The following ABCG2 variants were observed in gnomAD, a reference collection of about 807,000 sequenced individuals.
ABCG2 encodes the protein ATP binding cassette subfamily G member 2 (JR blood group).
Under a neutral mutation model 73.5 loss-of-function variants are expected in ABCG2, and 80 were observed. The ratio of observed to expected loss-of-function variants is 1.09; its 90% CI spans 0.91 to 1.31. The LOEUF is 1.31. ABCG2 is among the 50% of genes most tolerant of loss of function. The probability of loss-of-function intolerance (pLI) is 0.00; values close to 1 mark genes in which losing one functional copy is unlikely to be tolerated. For synonymous variants in ABCG2, 269 were observed against 282.4 expected (o/e 0.95, Z 0.48); for missense variants, 796 against 786.2 (o/e 1.01, Z -0.15).
Position 88,131,919 on chromosome 4 carries a change from T to C in ABCG2, c.264-2A>G, listed in dbSNP as rs772701413. 2 of 1,608,386 alleles carry C rather than the reference T, an allele frequency of 1.2e-6. No individual in the cohort carries two copies. The highest frequency in any genetic ancestry group is 1.1e-5 in the South Asian group (1 of 90,920). ...CTTGCAGCTAAGACATCTAATAACC[T>C]ATAAGAGGACATATATGTTGTGGGT... On this transcript the variant is annotated splice_acceptor_variant, in intron 3 of 15. Transcript: ENST00000237612. LOFTEE classifies it high-confidence loss of function.
chr4:88,113,528 C>T lies in ABCG2; in HGVS notation c.969G>A (p.Lys323=), dbSNP rs910545211. The T allele has an allele frequency of 1.9e-6, 3 of 1,613,932 alleles. No homozygotes were observed. The highest frequency in any genetic ancestry group is 2.5e-6 in the Non-Finnish European group (3 of 1,179,988). The change falls in exon 9 of 16, where the codon AAG becomes AAA. Residue 323 remains lysine (K), a synonymous_variant. Transcript: ENST00000237612. ...FKATEIIEPS[K]QDKPLIEKLA... ...ATTTTTCTATGAGTGGCTTATCCTG[C>T]TTGGAAGGCTCTATGATCTCTGTGG... is the stretch of plus-strand genomic sequence containing the variant.
chr4:88,185,757 T>G (rs753697619), intron 1 of ABCG2, among the ~76,000 whole-genome samples: 36 of 152,200 alleles, frequency 2.4e-4, no homozygotes, highest in Non-Finnish European at 4.4e-4. Flanking sequence ...GAAAAGGTAC[T>G]CATTATCATT....
intron 1 of ABCG2, among the ~76,000 whole-genome samples, chr4:88,171,420 A>T (rs1245521087): frequency 8.0e-6 from 1 of 124,464 alleles, no homozygotes; most frequent in African/African-American, 3.2e-5. Flanking sequence ...CATCAAAGAA[A>T]CATTGTAAAT....
At chr4:88,102,288 A>G (rs1204692841) in intron 10 of ABCG2, among the ~76,000 whole-genome samples, 2 of 152,182 alleles carry the variant, frequency 1.3e-5, no homozygotes, top group East Asian at 3.9e-4. Flanking sequence ...TTCTCAGTGA[A>G]GTAACTAGAT....
At chr4:88,128,273 C>T (rs1044055245) in intron 5 of ABCG2, among the ~76,000 whole-genome samples, 1 of 152,190 alleles carries the variant, frequency 6.6e-6, no homozygotes, top group African/African-American at 2.4e-5. Flanking sequence ...CAGGAAACAA[C>T]AGATGCTGGA....
chr4:88,117,725 C>T (rs1365330038), intron 7 of ABCG2, among the ~76,000 whole-genome samples: 1 of 152,156 alleles, frequency 6.6e-6, no homozygotes, highest in Middle Eastern at 3.2e-3. Flanking sequence ...ATTTTAAGGC[C>T]TCATCTGTTA....
intron 6 of ABCG2, among the ~76,000 whole-genome samples, chr4:88,121,260 T>C (rs1447283155): frequency 1.3e-5 from 2 of 151,882 alleles, no homozygotes; most frequent in Non-Finnish European, 2.9e-5. Flanking sequence ...GAAAAAGTAC[T>C]GAAGGTGGAA....
chr4:88,119,635 TG>T (rs1213498179), intron 6 of ABCG2, among the ~76,000 whole-genome samples: 2 of 152,204 alleles, frequency 1.3e-5, no homozygotes, highest in Non-Finnish European at 2.9e-5. Flanking sequence ...AAGAGACTGG[TG>T]GCATTTTGCC....
rs764490753 is a variant in ABCG2 at position 88,092,241 on chromosome 4, TA to T, written c.1960del (p.Tyr654IlefsTer10). ...AYLKLLFLKKYS is the reference protein window; with the variant it reads ...AYLKLLFLKKXS Reference sequence around the variant, plus strand: ...ACTGAATTAAGGGGAAATTTAAGAATATTTTTTAAGAAATAACAATTTCAGG... The same window carrying T: ...ACTGAATTAAGGGGAAATTTAAGAATTTTTTTAAGAAATAACAATTTCAGG... On this transcript the variant is annotated frameshift_variant, in exon 16 of 16. Coordinates refer to ENST00000237612, the MANE Select transcript of ABCG2 (RefSeq NM_004827.3). LOFTEE classifies it high-confidence loss of function. 20 of 1,605,484 alleles carry T rather than the reference TA, an allele frequency of 1.2e-5. No homozygotes were observed. The highest frequency in any genetic ancestry group is 1.5e-5 in the Non-Finnish European group (18 of 1,174,880).
intron 7 of ABCG2, among the ~76,000 whole-genome samples, chr4:88,115,961 G>A (rs1421398599): frequency 1.3e-5 from 2 of 152,142 alleles, no homozygotes; most frequent in Non-Finnish European, 2.9e-5. Context: ...TCGGGAGGCC[G>A]AGACCAGCAA....
At chr4:88,155,734 G>C (rs1047737216) in intron 1 of ABCG2, among the ~76,000 whole-genome samples, 1 of 151,724 alleles carries the variant, frequency 6.6e-6, no homozygotes, top group African/African-American at 2.4e-5. Flanking sequence ...GCAAAACCTC[G>C]TCTTTACTAA....
intron 1 of ABCG2, among the ~76,000 whole-genome samples, chr4:88,213,642 C>A (rs1729687826): frequency 6.6e-6 from 1 of 151,450 alleles, no homozygotes; most frequent in African/African-American, 2.4e-5. Flanking sequence ...ATATATATTC[C>A]TCTCCACTGA....
At position 88,207,712 on chromosome 4, in the gene ABCG2, T is replaced by C. The variant is rs143187708; in HGVS notation, c.-20+23282A>G. Among the ~76,000 whole-genome samples the C allele has an allele frequency of 6.1e-3, 923 of 152,184 alleles. 38 individuals carry two copies. The East Asian group carries it at 0.065, about 11-fold the overall frequency. ...GGCATGCCCCAGTATACCTGGCTAA[T>C]TTTTTTATTTTTAGTAGAGACGAGG... On this transcript the variant is annotated intron_variant, in intron 1 of 15. Transcript: ENST00000515655.
chr4:88,100,598 C>A (rs1722339488), intron 11 of ABCG2, among the ~76,000 whole-genome samples: 1 of 151,838 alleles, frequency 6.6e-6, no homozygotes, highest in Non-Finnish European at 1.5e-5. Flanking sequence ...AGCAATGAGC[C>A]ATGATCATGT....
intron 11 of ABCG2, among the ~76,000 whole-genome samples, chr4:88,099,822 T>G (rs1722270873): frequency 6.6e-6 from 1 of 152,182 alleles, no homozygotes; most frequent in African/African-American, 2.4e-5. Context: ...TAGCCGATTT[T>G]GGCAGGAATA....
Position 88,092,186 on chromosome 4 carries a change from G to T in ABCG2, c.*48C>A. 1 of 1,529,386 alleles carries T rather than the reference G, an allele frequency of 6.5e-7. No homozygotes were observed. The allele number at this position is 1,529,386 out of a possible 1,614,324, so 94.7% of individuals were successfully genotyped here. On this transcript the variant is annotated 3_prime_UTR_variant, in exon 16 of 16. Transcript: ENST00000237612. ...AACTTGATTGAATACTTCAATCAAA[G>T]TGCTTCTTTTTTATGTGAGGATAAA...
chr4:88,222,641 T>C (rs182503166), intron 1 of ABCG2, among the ~76,000 whole-genome samples: 1 of 152,314 alleles, frequency 6.6e-6, no homozygotes, highest in African/African-American at 2.4e-5. Flanking sequence ...TTCGGGTATG[T>C]CTTTATCAGC....
At chr4:88,093,854 G>T (rs1213413283) in intron 15 of ABCG2, among the ~76,000 whole-genome samples, 1 of 152,118 alleles carries the variant, frequency 6.6e-6, no homozygotes, top group Non-Finnish European at 1.5e-5. Flanking sequence ...GAAAAGGCAC[G>T]TGTTACTAAA....
At chr4:88,192,016 C>CA (rs1174244143) in intron 1 of ABCG2, among the ~76,000 whole-genome samples, 3 of 151,558 alleles carry the variant, frequency 2.0e-5, no homozygotes, top group Admixed American at 6.6e-5. Flanking sequence ...ATTAAAAATA[C>CA]AAAAAATTAG....
Sources: allele counts gnomAD v4.1 joint callset (sites outside exome capture counted in the v4.1 genomes callset), GRCh38; gene constraint gnomAD v4.1.1; transcripts MANE v1.5; gene names NCBI Gene and HGNC (gene_info 2026-07-23, HGNC 2026-07-21).